Variants in TOX observed in about 807,000 individuals in gnomAD.
TOX encodes thymocyte selection associated high mobility group box, also known as thymocyte selection-associated high mobility group box protein TOX.
TOX carries 11 observed loss-of-function variants against 53.7 expected under a neutral mutation model. The observed-to-expected ratio is 0.20, with a 90% CI of 0.13 to 0.34. The LOEUF is 0.34. Ranked by LOEUF, TOX falls within the 10% of genes least tolerant of loss-of-function variation. The probability of loss-of-function intolerance (pLI) is 1.00; values close to 1 mark genes in which losing one functional copy is unlikely to be tolerated. For synonymous variants in TOX, 225 were observed against 245.3 expected (o/e 0.92, Z 0.77); for missense variants, 570 against 664.6 (o/e 0.86, Z 1.56).
chr8:59,096,096 T>C (rs183940220), intron 1 of TOX, among the ~76,000 whole-genome samples: 54 of 152,362 alleles, frequency 3.5e-4, no homozygotes, highest in Admixed American at 3.1e-3. Flanking sequence ...CAAGAGGTAA[T>C]ACCAATTAAA....
intron 7 of TOX, among the ~76,000 whole-genome samples, chr8:58,814,107 G>A (rs960984439): frequency 6.6e-6 from 1 of 152,050 alleles, no homozygotes; most frequent in African/African-American, 2.4e-5. Flanking sequence ...AAAAGCATTG[G>A]GCTTGTTACT....
At chr8:58,973,132 G>A (rs983134321) in intron 1 of TOX, among the ~76,000 whole-genome samples, 2 of 152,102 alleles carry the variant, frequency 1.3e-5, no homozygotes, top group African/African-American at 4.8e-5. Context: ...AGTGCTAATA[G>A]GACCTTCCTC....
At chr8:59,098,156 G>A (rs1009606268) in intron 1 of TOX, among the ~76,000 whole-genome samples, 6 of 152,122 alleles carry the variant, frequency 3.9e-5, no homozygotes, top group Admixed American at 6.6e-5. Context: ...GGTACCTGCC[G>A]GAGCGCCAGC....
intron 1 of TOX, among the ~76,000 whole-genome samples, chr8:59,072,356 C>T (rs537675295): frequency 8.5e-5 from 13 of 152,156 alleles, no homozygotes; most frequent in Non-Finnish European, 1.8e-4. Context: ...TAGGTAGAAA[C>T]AGTGCTGAAT....
intron 2 of TOX, among the ~76,000 whole-genome samples, chr8:58,946,457 A>G (rs1229309560): frequency 6.6e-6 from 1 of 152,192 alleles, no homozygotes; most frequent in Non-Finnish European, 1.5e-5. Context: ...GCTTGGGACT[A>G]TAATGTATTA....
At chr8:58,958,026 C>T (rs183219630) in intron 2 of TOX, among the ~76,000 whole-genome samples, 59 of 152,268 alleles carry the variant, frequency 3.9e-4, no homozygotes, top group Non-Finnish European at 5.6e-4. Context: ...TTATCTTACA[C>T]TAGTCTAAAT....
At chr8:58,945,122 C>G (rs1812505815) in intron 2 of TOX, among the ~76,000 whole-genome samples, 1 of 152,200 alleles carries the variant, frequency 6.6e-6, no homozygotes, top group Non-Finnish European at 1.5e-5. Flanking sequence ...CTTCGGGGAG[C>G]TCTGCTGGTG....
At chr8:58,997,457 C>G (rs1813581354) in intron 1 of TOX, among the ~76,000 whole-genome samples, 1 of 152,138 alleles carries the variant, frequency 6.6e-6, no homozygotes. Context: ...GCTTCTGAAA[C>G]CTTTTCCTAG....
At chr8:58,959,817 T>G in intron 2 of TOX, 126 bp downstream of exon 2, 1 of 1,073,814 alleles carries the variant, frequency 9.3e-7, no homozygotes, top group East Asian at 2.6e-5. Flanking sequence ...GCTTAAATGC[T>G]TTGTTTATAA....
chr8:58,904,462 C>A lies in TOX; in HGVS notation c.411+34840G>T, dbSNP rs574849894. 4.6e-5 allele frequency among the ~76,000 whole-genome samples: 7 copies of A among 152,210 alleles called. No individual in the cohort carries two copies. In the South Asian group the frequency reaches 1.4e-3, roughly 32 times the overall value. On this transcript the variant is annotated intron_variant, in intron 3 of 8. Coordinates refer to ENST00000361421, the MANE Select transcript of TOX (RefSeq NM_014729.3). Reference sequence around the variant, plus strand: ...TTATTATTTTATTCTACCTCCACAGCCTATGGGGATTCGAGAACCATTTCC... The same window carrying A: ...TTATTATTTTATTCTACCTCCACAGACTATGGGGATTCGAGAACCATTTCC...
Position 59,092,103 on chromosome 8 carries a change from T to A in TOX, c.102+26783A>T, listed in dbSNP as rs775466656. 6.0e-5 allele frequency among the ~76,000 whole-genome samples: 9 copies of A among 150,204 alleles called. No individual in the cohort carries two copies. The South Asian group carries it at 1.7e-3, about 28-fold the overall frequency. ...TGTCTCTACTAAAAATACAAAAAAA[T>A]TAGCTGGGAATGGTGGTGGGCACCT... is the stretch of plus-strand genomic sequence containing the variant. On this transcript the variant is annotated intron_variant, in intron 1 of 8. Transcript: ENST00000361421.
intron 1 of TOX, among the ~76,000 whole-genome samples, chr8:58,988,159 C>T (rs529557211): frequency 5.9e-5 from 9 of 152,242 alleles, no homozygotes; most frequent in Non-Finnish European, 1.2e-4. Flanking sequence ...ACAATTTCAC[C>T]ATTGCAAAGA....
intron 4 of TOX, among the ~76,000 whole-genome samples, chr8:58,841,553 C>T (rs1441182032): frequency 1.3e-5 from 2 of 152,132 alleles, no homozygotes; most frequent in Admixed American, 1.3e-4. Flanking sequence ...TACAGACTTT[C>T]AGTTATAAGA....
intron 1 of TOX, among the ~76,000 whole-genome samples, chr8:59,084,226 T>C (rs142980569): frequency 1.4e-4 from 22 of 152,264 alleles, no homozygotes; most frequent in African/African-American, 5.1e-4. Flanking sequence ...AAAGAGGACT[T>C]AAAATATTAC....
intron 1 of TOX, chr8:58,992,833 G>A (rs984910814): frequency 1.3e-5 from 2 of 152,118 alleles, no homozygotes; most frequent in African/African-American, 4.8e-5. Context: ...ATAAAAAAGG[G>A]GAAGAAATGA....
At chr8:58,969,002 A>G (rs985693889) in intron 1 of TOX, among the ~76,000 whole-genome samples, 2 of 152,230 alleles carry the variant, frequency 1.3e-5, no homozygotes, top group Non-Finnish European at 2.9e-5. Flanking sequence ...AATAAAATAC[A>G]AATAAGAAGG....
chr8:59,051,667 T>G (rs149832673), intron 1 of TOX, among the ~76,000 whole-genome samples: 2 of 151,998 alleles, frequency 1.3e-5, no homozygotes, highest in Admixed American at 1.3e-4. Context: ...ATAAAGAAAA[T>G]CTACTCTAAA....
At chr8:58,829,586 G>A (rs1382519520) in intron 5 of TOX, among the ~76,000 whole-genome samples, 1 of 152,100 alleles carries the variant, frequency 6.6e-6, no homozygotes, top group African/African-American at 2.4e-5. Flanking sequence ...GAGTAGCCTG[G>A]ACCAGAATTA....
chr8:59,020,538 C>T (rs1041685636), intron 1 of TOX, among the ~76,000 whole-genome samples: 5 of 152,156 alleles, frequency 3.3e-5, no homozygotes, highest in Non-Finnish European at 7.3e-5. Flanking sequence ...AGATATAGCT[C>T]CTGTCAAAGT....
Sources: gnomAD v4.1 joint callset for allele counts (sites outside exome capture counted in the v4.1 genomes callset) on GRCh38, gnomAD v4.1.1 for gene constraint, MANE v1.5 for transcripts, NCBI Gene and HGNC (gene_info 2026-07-23, HGNC 2026-07-21) for gene names.